Variants in KCTD8 observed in about 807,000 individuals in gnomAD.
KCTD8 encodes potassium channel tetramerization domain containing 8, also known as BTB/POZ domain-containing protein KCTD8.
Under a neutral mutation model 31.5 loss-of-function variants are expected in KCTD8, and 27 were observed. The ratio of observed to expected loss-of-function variants is 0.86; its 90% CI spans 0.63 to 1.18. The LOEUF (loss-of-function observed/expected upper bound fraction) is 1.18, where lower values mean the gene tolerates loss of function less well. Among genes scored for constraint, KCTD8 ranks in the 50% most tolerant of loss-of-function variants. KCTD8 has a pLI of 0.00. For missense variants in KCTD8, 658 were observed against 647.7 expected, an observed-to-expected ratio of 1.02 and a Z score of -0.17; for synonymous variants, 290 against 280.0, an observed-to-expected ratio of 1.04 and a Z score of -0.36.
intron 1 of KCTD8, among the ~76,000 whole-genome samples, chr4:44,393,770 T>C (rs574898251): frequency 3.4e-4 from 52 of 152,072 alleles, no homozygotes; most frequent in South Asian, 8.3e-4. Context: ...CACCTCCTCA[T>C]TAGGCATTCT....
At chr4:44,240,855 T>C (rs1715438297) in intron 1 of KCTD8, among the ~76,000 whole-genome samples, 2 of 152,214 alleles carry the variant, frequency 1.3e-5, no homozygotes, top group African/African-American at 2.4e-5. Flanking sequence ...CCAGTGGCTA[T>C]TGTGCAACTG....
chr4:44,249,611 C>A (rs1327011548), intron 1 of KCTD8, among the ~76,000 whole-genome samples: 1 of 151,682 alleles, frequency 6.6e-6, no homozygotes, highest in East Asian at 1.9e-4. Context: ...AAACAGGTGG[C>A]AAGGAAGATT....
intron 1 of KCTD8, among the ~76,000 whole-genome samples, chr4:44,242,130 T>G (rs13125463): frequency 6.6e-6 from 1 of 151,944 alleles, no homozygotes; most frequent in East Asian, 1.9e-4. Flanking sequence ...AGCAAAACTA[T>G]TATTTATGGA....
At position 44,210,886 on chromosome 4, in the gene KCTD8, A is replaced by G. The variant is rs112145117; in HGVS notation, c.962-35636T>C. Among the ~76,000 whole-genome samples the G allele has an allele frequency of 9.0e-3, 1,373 of 152,262 alleles. 19 individuals are homozygous for G. Among genetic ancestry groups the G allele is most frequent in the African/African-American group, 0.031 (1,285 of 41,562 alleles). ...CTCTCTGAAGGTGGGCAGAGCATCA[A>G]TGTCATCATCAATAGCAGTAACAGC... On this transcript the variant is annotated intron_variant, in intron 1 of 1. Transcript: ENST00000360029.
intron 1 of KCTD8, among the ~76,000 whole-genome samples, chr4:44,403,725 C>T (rs1402969257): frequency 1.3e-5 from 2 of 152,082 alleles, no homozygotes; most frequent in Non-Finnish European, 2.9e-5. Flanking sequence ...GTCCCATCTC[C>T]AAACAGTCAT....
chr4:44,399,610 A>G (rs750465089), intron 1 of KCTD8, among the ~76,000 whole-genome samples: 1 of 152,234 alleles, frequency 6.6e-6, no homozygotes, highest in Non-Finnish European at 1.5e-5. Flanking sequence ...GTCCCCCAGC[A>G]TAATTCAGGG....
At chr4:44,180,371 A>T (rs1396556438) in intron 1 of KCTD8, among the ~76,000 whole-genome samples, 1 of 152,226 alleles carries the variant, frequency 6.6e-6, no homozygotes, top group Non-Finnish European at 1.5e-5. Flanking sequence ...AGTTAGATAA[A>T]TAGGTACACC....
At chr4:44,443,655 G>GTGTACA (rs557815900) in intron 1 of KCTD8, among the ~76,000 whole-genome samples, 34 of 152,118 alleles carry the variant, frequency 2.2e-4, no homozygotes, top group Non-Finnish European at 4.0e-4. Flanking sequence ...CTAGAGAAAG[G>GTGTACA]TGTACATTCA....
chr4:44,342,212 A>G (rs759594030), intron 1 of KCTD8, among the ~76,000 whole-genome samples: 6 of 152,062 alleles, frequency 3.9e-5, no homozygotes, highest in Non-Finnish European at 7.4e-5. Context: ...TCTACTAAAA[A>G]TACAAAAAAA....
intron 1 of KCTD8, among the ~76,000 whole-genome samples, chr4:44,347,570 G>C (rs6844696): frequency 0.12 from 18,103 of 152,092 alleles, 1,303 homozygotes; most frequent in East Asian, 0.25. Context: ...CACTATTCTT[G>C]AGCTTTTTCA....
intron 1 of KCTD8, among the ~76,000 whole-genome samples, chr4:44,442,276 G>C (rs1475871424): frequency 6.6e-6 from 1 of 151,902 alleles, no homozygotes; most frequent in Non-Finnish European, 1.5e-5. Context: ...TAAAGATATA[G>C]ATTATCAATT....
At chr4:44,333,877 A>C (rs754801736) in intron 1 of KCTD8, among the ~76,000 whole-genome samples, 2 of 152,146 alleles carry the variant, frequency 1.3e-5, no homozygotes, top group Non-Finnish European at 2.9e-5. Flanking sequence ...TAAGAAAAAA[A>C]GTCGATCATT....
At chr4:44,412,808 T>C (rs996028813) in intron 1 of KCTD8, among the ~76,000 whole-genome samples, 4 of 152,228 alleles carry the variant, frequency 2.6e-5, no homozygotes, top group African/African-American at 9.6e-5. Context: ...TTTCTAGGCA[T>C]ATTGTCAATT....
At chr4:44,222,628 C>T (rs1402584475) in intron 1 of KCTD8, among the ~76,000 whole-genome samples, 1 of 152,168 alleles carries the variant, frequency 6.6e-6, no homozygotes, top group African/African-American at 2.4e-5. Flanking sequence ...AACAATGTGG[C>T]TGCAACTTCA....
intron 1 of KCTD8, among the ~76,000 whole-genome samples, chr4:44,437,593 C>T (rs900668981): frequency 6.6e-6 from 1 of 152,014 alleles, no homozygotes; most frequent in Non-Finnish European, 1.5e-5. Context: ...TGTTTCACCT[C>T]AGTAAATGTT....
At chr4:44,249,762 T>C (rs1429672940) in intron 1 of KCTD8, among the ~76,000 whole-genome samples, 1 of 151,472 alleles carries the variant, frequency 6.6e-6, no homozygotes, top group Non-Finnish European at 1.5e-5. Context: ...TCCCTTTCCT[T>C]CTCTCTCTTT....
At chr4:44,217,308 G>A (rs1300114843) in intron 1 of KCTD8, among the ~76,000 whole-genome samples, 1 of 152,154 alleles carries the variant, frequency 6.6e-6, no homozygotes, top group Admixed American at 6.5e-5. Flanking sequence ...ACAGGCCATA[G>A]AAATAAGTTT....
At chr4:44,248,375 T>C (rs1367427923) in intron 1 of KCTD8, among the ~76,000 whole-genome samples, 2 of 151,458 alleles carry the variant, frequency 1.3e-5, no homozygotes, top group African/African-American at 4.8e-5. Flanking sequence ...TAGGTTCATC[T>C]CTTCCTGTGC....
At chr4:44,280,875 C>T (rs930323152) in intron 1 of KCTD8, among the ~76,000 whole-genome samples, 6 of 151,976 alleles carry the variant, frequency 3.9e-5, no homozygotes, top group Admixed American at 2.0e-4. Flanking sequence ...AAAGTAAGTA[C>T]GAAGGTAATT....
Sources: allele counts gnomAD v4.1 joint callset (sites outside exome capture counted in the v4.1 genomes callset), GRCh38; gene constraint gnomAD v4.1.1; transcripts MANE v1.5; gene names NCBI Gene and HGNC (gene_info 2026-07-23, HGNC 2026-07-21).